Variants in LRRC7 observed in about 807,000 individuals in gnomAD.
The protein encoded by LRRC7 is leucine rich repeat containing 7.
Under a neutral mutation model 175.7 loss-of-function variants are expected in LRRC7, and 23 were observed. The observed-to-expected ratio is 0.13, with a 90% CI of 0.09 to 0.19. The LOEUF is 0.19. LRRC7 is among the 10% of genes least tolerant of loss of function. The pLI is 1.00. For synonymous variants in LRRC7, 685 were observed against 680.9 expected (o/e 1.01, Z -0.09); for missense variants, 1,354 against 1,904.7 (o/e 0.71, Z 5.38).
chr1:69,881,270 G>A (rs1686573941), intron 7 of LRRC7, among the ~76,000 whole-genome samples: 2 of 152,148 alleles, frequency 1.3e-5, no homozygotes, highest in South Asian at 2.1e-4. Flanking sequence ...AGTGTCAGAA[G>A]TACTATTATA....
rs1370787146 is a variant in LRRC7 at position 70,012,997 on chromosome 1, A to T, written c.1158A>T (p.Thr386=). The change falls in exon 13 of 27, where the codon ACA becomes ACT. Residue 386 remains threonine, a synonymous_variant. Coordinates refer to ENST00000651989, the MANE Select transcript of LRRC7 (RefSeq NM_001370785.2). ...AGATTGGAAGTTGTAAGAATGTAAC[A>T]GTCATGTCTCTACGCTCCAACAAAT... is the stretch of plus-strand genomic sequence containing the variant. ...PREIGSCKNV[T]VMSLRSNKLE... 2.6e-6 allele frequency: 4 copies of T among 1,567,018 alleles called. No homozygotes were observed. The highest frequency in any genetic ancestry group is 3.5e-6 in the Non-Finnish European group (4 of 1,156,386).
intron 7 of LRRC7, among the ~76,000 whole-genome samples, chr1:69,866,191 A>T (rs1453888107): frequency 6.6e-6 from 1 of 152,204 alleles, no homozygotes; most frequent in South Asian, 2.1e-4. Context: ...TCTATTTTGA[A>T]ATCACTGCAC....
intron 23 of LRRC7, among the ~76,000 whole-genome samples, chr1:70,057,442 CA>C (rs1187698431): frequency 6.6e-6 from 1 of 152,076 alleles, no homozygotes; most frequent in African/African-American, 2.4e-5. Flanking sequence ...ATTATTTTTG[CA>C]GTTGTCACGG....
chr1:69,666,542 G>A (rs1015693352), intron 1 of LRRC7, among the ~76,000 whole-genome samples: 2 of 151,890 alleles, frequency 1.3e-5, no homozygotes, highest in Non-Finnish European at 2.9e-5. Flanking sequence ...GTTCGATCTT[G>A]GAAGGTTTTA....
intron 17 of LRRC7, among the ~76,000 whole-genome samples, chr1:70,024,142 A>G (rs962826714): frequency 3.9e-5 from 6 of 152,136 alleles, no homozygotes; most frequent in Non-Finnish European, 5.9e-5. Flanking sequence ...TAAAATTGCT[A>G]TAAGTTTCTT....
At chr1:70,037,613 G>T (rs80141567) in intron 20 of LRRC7, among the ~76,000 whole-genome samples, 3,873 of 152,224 alleles carry the variant, frequency 0.025, 106 homozygotes, top group Admixed American at 0.085. Context: ...TGTAAGAAAG[G>T]TACTCTCGGC....
At chr1:69,711,701 G>A (rs963261524) in intron 2 of LRRC7, among the ~76,000 whole-genome samples, 1 of 152,154 alleles carries the variant, frequency 6.6e-6, no homozygotes, top group African/African-American at 2.4e-5. Flanking sequence ...CTCAAGTGCT[G>A]TAGCAACACT....
At chr1:69,832,395 A>C (rs1334582987) in intron 5 of LRRC7, among the ~76,000 whole-genome samples, 2 of 152,150 alleles carry the variant, frequency 1.3e-5, no homozygotes, top group Non-Finnish European at 2.9e-5. Context: ...GGGGCAGGCA[A>C]TCATGATTTG....
chr1:69,736,803 T>C (rs1278994035), intron 2 of LRRC7, among the ~76,000 whole-genome samples: 1 of 152,134 alleles, frequency 6.6e-6, no homozygotes, highest in Non-Finnish European at 1.5e-5. Context: ...CCTTGCCTAT[T>C]TAATGTAGCC....
intron 7 of LRRC7, chr1:69,919,779 G>A: frequency 1.1e-6 from 1 of 914,432 alleles, no homozygotes; most frequent in Non-Finnish European, 1.8e-6. Flanking sequence ...CGGCGGACGG[G>A]GGAGATGAGC....
intron 1 of LRRC7, among the ~76,000 whole-genome samples, chr1:69,675,173 C>G (rs1358242781): frequency 6.6e-6 from 1 of 152,152 alleles, no homozygotes; most frequent in African/African-American, 2.4e-5. Context: ...ATTGTATAAT[C>G]TCTTGCATAT....
intron 1 of LRRC7, among the ~76,000 whole-genome samples, chr1:69,576,207 G>A (rs1456375427): frequency 6.8e-6 from 1 of 146,420 alleles, no homozygotes; most frequent in African/African-American, 2.6e-5. Flanking sequence ...ACTCCAGGCT[G>A]GGTGACAGAG....
intron 4 of LRRC7, among the ~76,000 whole-genome samples, chr1:69,814,883 T>G (rs1261688447): frequency 6.6e-6 from 1 of 152,174 alleles, no homozygotes; most frequent in Non-Finnish European, 1.5e-5. Flanking sequence ...AAGCATACTC[T>G]TACTTTCTTG....
chr1:69,768,926 G>A (rs1432345740), intron 3 of LRRC7, among the ~76,000 whole-genome samples: 1 of 152,196 alleles, frequency 6.6e-6, no homozygotes, highest in East Asian at 1.9e-4. Context: ...TCTAAGAGCA[G>A]TCAAGATGTC....
At chr1:69,813,455 A>G (rs759620854) in intron 4 of LRRC7, among the ~76,000 whole-genome samples, 4 of 152,036 alleles carry the variant, frequency 2.6e-5, no homozygotes, top group Non-Finnish European at 4.4e-5. Flanking sequence ...GGACAATTTC[A>G]TATCTTCTCT....
intron 26 of LRRC7, among the ~76,000 whole-genome samples, chr1:70,118,754 T>G (rs1371119947): frequency 1.3e-5 from 2 of 152,176 alleles, no homozygotes; most frequent in Non-Finnish European, 2.9e-5. Flanking sequence ...AGGATTAGAC[T>G]AAACCAACAG....
chr1:69,644,925 C>A (rs1445860984), intron 1 of LRRC7, among the ~76,000 whole-genome samples: 1 of 151,890 alleles, frequency 6.6e-6, no homozygotes, highest in African/African-American at 2.4e-5. Context: ...AATTAAATAA[C>A]CTTTAGTCAT....
intron 3 of LRRC7, among the ~76,000 whole-genome samples, chr1:69,790,346 G>A (rs1156431202): frequency 6.6e-6 from 1 of 152,002 alleles, no homozygotes; most frequent in Admixed American, 6.5e-5. Flanking sequence ...AGGCTGTTCA[G>A]AAGTTTCTGT....
intron 4 of LRRC7, among the ~76,000 whole-genome samples, chr1:69,813,863 T>C (rs893491420): frequency 2.6e-5 from 4 of 152,146 alleles, no homozygotes; most frequent in Non-Finnish European, 5.9e-5. Flanking sequence ...CTACAAATTA[T>C]TGACCCTGTT....
Sources: allele counts gnomAD v4.1 joint callset (sites outside exome capture counted in the v4.1 genomes callset), GRCh38; gene constraint gnomAD v4.1.1; transcripts MANE v1.5; gene names NCBI Gene and HGNC (gene_info 2026-07-23, HGNC 2026-07-21).